PTPRD: variants seen among roughly 807,000 people sequenced by gnomAD.
PTPRD encodes receptor-type tyrosine-protein phosphatase delta.
A neutral mutation model predicts 214.5 loss-of-function variants in PTPRD; 34 were observed. The ratio of observed to expected loss-of-function variants is 0.16; its 90% CI spans 0.12 to 0.21. The LOEUF (loss-of-function observed/expected upper bound fraction) is 0.21, where lower values mean the gene tolerates loss of function less well. Ranked by LOEUF, PTPRD falls within the 10% of genes least tolerant of loss-of-function variation. The pLI, the probability that PTPRD is intolerant of heterozygous loss-of-function variation, is 1.00. For synonymous variants in PTPRD, 1,128 were observed against 845.7 expected, an observed-to-expected ratio of 1.33 and a Z score of -5.79; for missense variants, 2,545 against 2,398.7, an observed-to-expected ratio of 1.06 and a Z score of -1.27.
chr9:10,234,469 T>C (rs955271284), intron 3 of PTPRD, among the ~76,000 whole-genome samples: 2 of 151,974 alleles, frequency 1.3e-5, no homozygotes, highest in African/African-American at 2.4e-5. Context: ...AACTAGAGAA[T>C]TAAACCCTTA....
chr9:8,688,586 A>AAT (rs1451620989), intron 12 of PTPRD, among the ~76,000 whole-genome samples: 1 of 151,598 alleles, frequency 6.6e-6, no homozygotes, highest in Non-Finnish European at 1.5e-5. Context: ...AAAAGAAAAA[A>AAT]ATATATATAA....
At chr9:9,838,595 C>T (rs1166059844) in intron 5 of PTPRD, among the ~76,000 whole-genome samples, 2 of 152,146 alleles carry the variant, frequency 1.3e-5, no homozygotes, top group African/African-American at 4.8e-5. Context: ...TCATGTCCTT[C>T]ACCCACTTTT....
intron 14 of PTPRD, among the ~76,000 whole-genome samples, chr9:8,617,432 T>C (rs1232136864): frequency 6.6e-6 from 1 of 152,100 alleles, no homozygotes; most frequent in African/African-American, 2.4e-5. Flanking sequence ...CAAAACCTGA[T>C]GTACATAAGT....
chr9:9,846,106 A>C (rs1037305590), intron 5 of PTPRD, among the ~76,000 whole-genome samples: 1 of 152,160 alleles, frequency 6.6e-6, no homozygotes, highest in Non-Finnish European at 1.5e-5. Context: ...TTAGCTATTT[A>C]TCAGTTATCT....
chr9:10,298,921 A>G (rs660365), intron 3 of PTPRD, among the ~76,000 whole-genome samples: 16,403 of 152,040 alleles, frequency 0.11, 1,014 homozygotes, highest in South Asian at 0.21. Flanking sequence ...CATCTAGTTC[A>G]TTGATTAGAA....
At chr9:10,279,478 T>A (rs2094958472) in intron 3 of PTPRD, among the ~76,000 whole-genome samples, 1 of 152,160 alleles carries the variant, frequency 6.6e-6, no homozygotes, top group South Asian at 2.1e-4. Context: ...CCTACTGTAA[T>A]CTTTCTTCCT....
intron 32 of PTPRD, among the ~76,000 whole-genome samples, chr9:8,461,566 C>G (rs1006744876): frequency 2.6e-5 from 4 of 151,630 alleles, no homozygotes; most frequent in Non-Finnish European, 5.9e-5. Flanking sequence ...TTCTACCACT[C>G]ACTCCTCATC....
intron 12 of PTPRD, among the ~76,000 whole-genome samples, chr9:8,692,007 G>C (rs902168710): frequency 9.2e-5 from 14 of 151,962 alleles, no homozygotes; most frequent in African/African-American, 3.1e-4. Flanking sequence ...CTACTTCCTG[G>C]ATTTTTACTA....
At chr9:9,474,178 A>T (rs1179978423) in intron 8 of PTPRD, among the ~76,000 whole-genome samples, 2 of 151,942 alleles carry the variant, frequency 1.3e-5, no homozygotes, top group East Asian at 1.9e-4. Flanking sequence ...CTGCATATGG[A>T]TATCCAGTTT....
chr9:9,400,293 G>T (rs1296801907), intron 8 of PTPRD, among the ~76,000 whole-genome samples: 2 of 151,480 alleles, frequency 1.3e-5, no homozygotes, highest in East Asian at 3.9e-4. Flanking sequence ...TTACTCAAAT[G>T]GTAACCAAAA....
At chr9:9,402,579 A>C (rs1360561011) in intron 8 of PTPRD, among the ~76,000 whole-genome samples, 1 of 152,148 alleles carries the variant, frequency 6.6e-6, no homozygotes, top group Non-Finnish European at 1.5e-5. Context: ...TATAAAACAC[A>C]TGAGGAAATC....
chr9:9,103,655 A>G (rs1374856835), intron 10 of PTPRD, among the ~76,000 whole-genome samples: 3 of 151,956 alleles, frequency 2.0e-5, no homozygotes, highest in African/African-American at 7.3e-5. Context: ...ACTTTCTCCA[A>G]TTTTTGCAAG....
intron 10 of PTPRD, among the ~76,000 whole-genome samples, chr9:9,170,981 G>T (rs1472023722): frequency 2.0e-5 from 3 of 152,104 alleles, no homozygotes; most frequent in African/African-American, 7.2e-5. Flanking sequence ...TGGGTTACAG[G>T]CTCCTCTACA....
At chr9:9,734,963 T>C (rs1456829904) in intron 6 of PTPRD, among the ~76,000 whole-genome samples, 2 of 152,142 alleles carry the variant, frequency 1.3e-5, no homozygotes, top group Non-Finnish European at 2.9e-5. Flanking sequence ...AGTTTCATTT[T>C]AAAAGACTTT....
At chr9:10,604,462 A>C (rs1203110794) in intron 2 of PTPRD, among the ~76,000 whole-genome samples, 1 of 151,802 alleles carries the variant, frequency 6.6e-6, no homozygotes, top group Non-Finnish European at 1.5e-5. Flanking sequence ...AGCCCCTAAA[A>C]AAAATAAAAA....
At chr9:8,745,546 A>G (rs1411513575) in intron 11 of PTPRD, among the ~76,000 whole-genome samples, 2 of 152,210 alleles carry the variant, frequency 1.3e-5, no homozygotes, top group Admixed American at 1.3e-4. Flanking sequence ...ATGAAAGTTT[A>G]TCCTATGAGT....
intron 10 of PTPRD, among the ~76,000 whole-genome samples, chr9:9,131,725 A>C (rs1349287080): frequency 6.6e-6 from 1 of 152,212 alleles, no homozygotes; most frequent in South Asian, 2.1e-4. Flanking sequence ...AATTGTAAAT[A>C]TCATATATGA....
At chr9:10,305,977 G>A (rs57220198) in intron 3 of PTPRD, among the ~76,000 whole-genome samples, 9,672 of 152,114 alleles carry the variant, frequency 0.064, 418 homozygotes, top group South Asian at 0.16. Context: ...ACACATATAT[G>A]TTTATTGCAG....
intron 8 of PTPRD, among the ~76,000 whole-genome samples, chr9:9,506,817 T>C (rs1332203): frequency 0.74 from 112,269 of 151,092 alleles, 42,911 homozygotes; most frequent in African/African-American, 0.92. Flanking sequence ...TTGAGTCCTC[T>C]GAATGAAAAG....
Sources: allele counts gnomAD v4.1 joint callset (sites outside exome capture counted in the v4.1 genomes callset), GRCh38; gene constraint gnomAD v4.1.1; transcripts MANE v1.5; gene names NCBI Gene and HGNC (gene_info 2026-07-23, HGNC 2026-07-21).